Variants in ATXN10 observed in about 807,000 individuals in gnomAD.
ATXN10 encodes ataxin-10.
In ATXN10, 28 loss-of-function variants were observed where a neutral mutation model predicts 52.9. The ratio of observed to expected loss-of-function variants is 0.53; its 90% CI spans 0.39 to 0.73. The LOEUF (loss-of-function observed/expected upper bound fraction) is 0.73, where lower values mean the gene tolerates loss of function less well. Among genes scored for constraint, ATXN10 ranks in the 30% least tolerant of loss-of-function variants. ATXN10 has a pLI of 0.00. For missense variants in ATXN10, 565 were observed against 577.0 expected, an observed-to-expected ratio of 0.98 and a Z score of 0.21; for synonymous variants, 226 against 221.5, an observed-to-expected ratio of 1.02 and a Z score of -0.18.
intron 1 of ATXN10, 39 bp downstream of exon 1, chr22:45,672,218 G>T (rs1255826885): frequency 2.0e-6 from 3 of 1,469,888 alleles, no homozygotes; most frequent in Non-Finnish European, 2.7e-6. Context: ...GGGCAGGGGA[G>T]GGCGGCCGGG....
intron 5 of ATXN10, among the ~76,000 whole-genome samples, chr22:45,713,995 T>C (rs1383547292): frequency 6.6e-6 from 1 of 152,190 alleles, no homozygotes; most frequent in Non-Finnish European, 1.5e-5. Flanking sequence ...GTAATGATTG[T>C]AGAATAAATT....
At chr22:45,794,505 TTCTATTAA>T (rs1168084924) in intron 9 of ATXN10, among the ~76,000 whole-genome samples, 8 of 152,152 alleles carry the variant, frequency 5.3e-5, no homozygotes, top group Non-Finnish European at 1.2e-4. Flanking sequence ...GAATTTTCCA[TTCTATTAA>T]TGTTTACAAA....
chr22:45,831,594 G>A (rs923864545), intron 10 of ATXN10, among the ~76,000 whole-genome samples: 1 of 152,048 alleles, frequency 6.6e-6, no homozygotes, highest in Non-Finnish European at 1.5e-5. Flanking sequence ...TTTCATCTTT[G>A]CATCCATCCT....
At position 45,770,490 on chromosome 22, in the gene ATXN10, G is replaced by A. The variant is rs1015364999; in HGVS notation, c.1173+29952G>A. 2.0e-5 allele frequency among the ~76,000 whole-genome samples: 3 copies of A among 152,206 alleles called. No individual in the cohort carries two copies. The highest frequency in any genetic ancestry group is 4.4e-5 in the Non-Finnish European group (3 of 68,034). ...TGCAACATTAGGTTGCAATGCATAT[G>A]TGTTTCTTACGATCAGATAAATTCA... On this transcript the variant is annotated intron_variant, in intron 9 of 11. Coordinates refer to ENST00000252934, the MANE Select transcript of ATXN10 (RefSeq NM_013236.4). This position sits in a 1 kb window ranked among gnomAD's most constrained non-coding sequence, Gnocchi z 4.5.
At chr22:45,810,149 T>C (rs1928234042) in intron 10 of ATXN10, among the ~76,000 whole-genome samples, 1 of 152,196 alleles carries the variant, frequency 6.6e-6, no homozygotes, top group African/African-American at 2.4e-5. Context: ...CACACAATTG[T>C]CTTGGCCCTA....
chr22:45,816,730 G>A lies in ATXN10; in HGVS notation c.1237+9708G>A, dbSNP rs997220913. ...CTTTTAATAAAATGTGAGAAAGCCT[G>A]TGTGAAGCAGATGTTCTGGCTTGCA... is the stretch of plus-strand genomic sequence containing the variant. On this transcript the variant is annotated intron_variant, in intron 10 of 11. Transcript: ENST00000252934. The surrounding 1 kb of genome is among the most constrained non-coding windows in gnomAD (Gnocchi z 5.8). 6.6e-6 allele frequency among the ~76,000 whole-genome samples: 1 copy of A among 152,216 alleles called. No homozygotes were observed. Among genetic ancestry groups the A allele is most frequent in the Non-Finnish European group, 1.5e-5 (1 of 68,040 alleles).
chr22:45,745,681 T>C (rs1925700447), intron 9 of ATXN10, among the ~76,000 whole-genome samples: 1 of 152,252 alleles, frequency 6.6e-6, no homozygotes, highest in Non-Finnish European at 1.5e-5. Flanking sequence ...GTTAACTTTG[T>C]GTTGCTCATC....
chr22:45,800,294 A>G (rs1031184404), intron 9 of ATXN10, among the ~76,000 whole-genome samples: 2 of 152,228 alleles, frequency 1.3e-5, no homozygotes, highest in African/African-American at 2.4e-5. Flanking sequence ...GAAGAAAACA[A>G]CCCAGTTAAT....
chr22:45,704,744 T>G lies in ATXN10; in HGVS notation c.647+1897T>G, dbSNP rs559445110. Among the ~76,000 whole-genome samples, 10 of 152,324 alleles carry G rather than the reference T, an allele frequency of 6.6e-5. No homozygotes were observed. In the East Asian group the frequency reaches 1.9e-3, roughly 29 times the overall value. On this transcript the variant is annotated intron_variant, in intron 5 of 11. Coordinates refer to ENST00000252934, the MANE Select transcript of ATXN10 (RefSeq NM_013236.4). ...CTGCAAGTAGGTAATATTTTTTTCT[T>G]TCCAGTTGGGTTGCCTTTTCTTTCT...
Position 45,843,521 on chromosome 22 carries a change from C to A in ATXN10, c.1426-148C>A. 1.3e-6 allele frequency: 1 copy of A among 762,668 alleles called. No individual in the cohort carries two copies. The highest frequency in any genetic ancestry group is 2.3e-6 in the Non-Finnish European group (1 of 436,892). 47.2% of individuals were successfully genotyped at this position (762,668 alleles called of 1,614,324 possible). ...TCACTATAGTTTAAAAAACAGAACTCCTTGAATAATATTGCATGAATTGTT... is the reference window on the plus strand; with the variant it reads ...TCACTATAGTTTAAAAAACAGAACTACTTGAATAATATTGCATGAATTGTT... On this transcript the variant is annotated intron_variant, in intron 11 of 11. Transcript: ENST00000252934. This position sits in a 1 kb window ranked among gnomAD's most constrained non-coding sequence, Gnocchi z 4.5.
Position 45,841,277 on chromosome 22 carries a change from G to A in ATXN10, c.1238-1714G>A, listed in dbSNP as rs959177969. Among the ~76,000 whole-genome samples the A allele has an allele frequency of 2.0e-5, 3 of 152,240 alleles. No individual in the cohort carries two copies. Among genetic ancestry groups the A allele is most frequent in the African/African-American group, 7.2e-5 (3 of 41,462 alleles). ...TTTTCCCCACCATAGACAGATGACT[G>A]ATTATAGAACCAGCATTAGCTGGGC... is the stretch of plus-strand genomic sequence containing the variant. On this transcript the variant is annotated intron_variant, in intron 10 of 11. Coordinates refer to ENST00000252934, the MANE Select transcript of ATXN10 (RefSeq NM_013236.4). The surrounding 1 kb of genome is among the most constrained non-coding windows in gnomAD (Gnocchi z 5.1).
In ATXN10 at chr22:45,676,118, T is replaced by C. The variant is rs1169983042; in HGVS notation, c.116+3939T>C. 2.0e-5 allele frequency: 3 copies of C among 151,720 alleles called. 1 individual carries two copies. Among genetic ancestry groups the C allele is most frequent in the Non-Finnish European group, 4.4e-5 (3 of 67,898 alleles). The allele number at this position is 151,720 out of a possible 1,614,324, so 9.4% of individuals were successfully genotyped here. A position where few individuals can be genotyped will look rare whatever the true frequency, so the allele number is the denominator to read the frequency against. On this transcript the variant is annotated intron_variant, in intron 1 of 11. Transcript: ENST00000252934. ...TAGTTGCTCCTTTAATTATTTTTCTTTTTTTTTTCCGAGACAGGGCCTCAC... is the reference window on the plus strand; with the variant it reads ...TAGTTGCTCCTTTAATTATTTTTCTCTTTTTTTTCCGAGACAGGGCCTCAC...
chr22:45,806,859 A>G, intron 9 of ATXN10, 100 bp from the exon 10 acceptor site: 2 of 911,780 alleles, frequency 2.2e-6, no homozygotes, highest in Non-Finnish European at 3.6e-6. Context: ...AAACAATATT[A>G]TAACATTGAG....
chr22:45,758,915 G>T (rs1926275362), intron 9 of ATXN10, among the ~76,000 whole-genome samples: 1 of 152,132 alleles, frequency 6.6e-6, no homozygotes, highest in African/African-American at 2.4e-5. Context: ...GGCTTTTATG[G>T]AGTCATAAAT....
chr22:45,787,369 T>C lies in ATXN10; in HGVS notation c.1174-19590T>C, dbSNP rs1187269804. Among the ~76,000 whole-genome samples, 1 of 152,132 alleles carries C rather than the reference T, an allele frequency of 6.6e-6. No homozygotes were observed. Among genetic ancestry groups the C allele is most frequent in the African/African-American group, 2.4e-5 (1 of 41,420 alleles). ...CTCCAAAACTGGAGTTCGGACCTTT[T>C]TCCGTCTACCGCTGTGTCTTGATCT... On this transcript the variant is annotated intron_variant, in intron 9 of 11. Transcript: ENST00000252934. The surrounding 1 kb of genome is among the most constrained non-coding windows in gnomAD (Gnocchi z 4.2).
intron 9 of ATXN10, among the ~76,000 whole-genome samples, chr22:45,752,434 G>A (rs1270924198): frequency 6.6e-6 from 1 of 151,956 alleles, no homozygotes; most frequent in Non-Finnish European, 1.5e-5. Context: ...TCCAGGCCTT[G>A]AAGGATGAAT....
At chr22:45,773,220 T>C (rs1926835137) in intron 9 of ATXN10, among the ~76,000 whole-genome samples, 1 of 152,232 alleles carries the variant, frequency 6.6e-6, no homozygotes, top group Non-Finnish European at 1.5e-5. Flanking sequence ...TCATTCATTC[T>C]AGGAGATTTG....
chr22:45,843,239 C>T lies in ATXN10; in HGVS notation c.1425+61C>T. ...TTTGTAGAAAGCTGTTTCCACTTCC[C>T]CATTGCTTCAAGCACGAGGCTCTTT... On this transcript the variant is annotated intron_variant, in intron 11 of 11. Transcript: ENST00000252934. This position sits in a 1 kb window ranked among gnomAD's most constrained non-coding sequence, Gnocchi z 4.5. 1.9e-6 allele frequency: 3 copies of T among 1,551,268 alleles called. No homozygotes were observed. Among genetic ancestry groups the T allele is most frequent in the South Asian group, 2.2e-5 (2 of 89,354 alleles).
At position 45,769,737 on chromosome 22, in the gene ATXN10, G is replaced by T. The variant is rs1033387185; in HGVS notation, c.1173+29199G>T. Among the ~76,000 whole-genome samples the T allele has an allele frequency of 1.3e-5, 2 of 152,112 alleles. No individual in the cohort carries two copies. Among genetic ancestry groups the T allele is most frequent in the African/African-American group, 4.8e-5 (2 of 41,408 alleles). On this transcript the variant is annotated intron_variant, in intron 9 of 11. Coordinates refer to ENST00000252934, the MANE Select transcript of ATXN10 (RefSeq NM_013236.4). The surrounding 1 kb of genome is among the most constrained non-coding windows in gnomAD (Gnocchi z 4.2). ...CCAGGAGCCAGGCCTCTTTTCTCTT[G>T]CCTTCTCGAGTAGCCTGACAAGATG...
Sources: allele counts gnomAD v4.1 joint callset (sites outside exome capture counted in the v4.1 genomes callset), GRCh38; gene constraint gnomAD v4.1.1; non-coding constraint Gnocchi (gnomAD v3.1); transcripts MANE v1.5; gene names NCBI Gene and HGNC (gene_info 2026-07-23, HGNC 2026-07-21).